Variants in TENM2 observed in about 807,000 individuals in gnomAD.
TENM2 encodes the protein teneurin-2.
Under a neutral mutation model 245.2 loss-of-function variants are expected in TENM2, and 52 were observed. The ratio of observed to expected loss-of-function variants is 0.21; its 90% confidence interval spans 0.17 to 0.27. The LOEUF (loss-of-function observed/expected upper bound fraction) is 0.27. Ranked by LOEUF, TENM2 falls within the 10% of genes least tolerant of loss-of-function variation. The probability of loss-of-function intolerance (pLI) is 1.00; values close to 1 mark genes in which losing one functional copy is unlikely to be tolerated. For missense variants in TENM2, 3,046 were observed against 3,666.8 expected, an observed-to-expected ratio of 0.83 and a Z score of 4.37; for synonymous variants, 1,363 against 1,438.9, an observed-to-expected ratio of 0.95 and a Z score of 1.19.
chr5:167,803,738 A>T (rs1375884278), intron 2 of TENM2, among the ~76,000 whole-genome samples: 1 of 151,926 alleles, frequency 6.6e-6, no homozygotes, highest in Admixed American at 6.6e-5. Flanking sequence ...TTATATATAT[A>T]GTTGCCAGAT....
intron 27 of TENM2, among the ~76,000 whole-genome samples, chr5:168,250,471 C>T (rs1008584178): frequency 3.9e-5 from 6 of 152,154 alleles, no homozygotes; most frequent in East Asian, 3.9e-4. Context: ...AAGGAGGCAT[C>T]GACACTCAGG....
chr5:167,986,543 C>T (rs146758420), intron 4 of TENM2, among the ~76,000 whole-genome samples: 186 of 152,316 alleles, frequency 1.2e-3, no homozygotes, highest in African/African-American at 4.3e-3. Flanking sequence ...TTCTCCATCT[C>T]TTGGAGTGTT....
intron 2 of TENM2, among the ~76,000 whole-genome samples, chr5:167,749,330 T>C (rs1761800617): frequency 1.3e-5 from 2 of 151,982 alleles, no homozygotes; most frequent in East Asian, 3.9e-4. Context: ...CACAATAAGA[T>C]GAACATAAGG....
At chr5:167,936,133 T>C (rs1041875044) in intron 3 of TENM2, among the ~76,000 whole-genome samples, 1 of 152,202 alleles carries the variant, frequency 6.6e-6, no homozygotes, top group Non-Finnish European at 1.5e-5. Context: ...AGTCAGGAAG[T>C]AGAGCAGGTT....
At chr5:166,994,549 T>C in the TENM2 span, among the ~76,000 whole-genome samples, 6 of 152,302 alleles carry the variant, frequency 3.9e-5, no homozygotes, top group South Asian at 1.2e-3. Flanking sequence ...GATGTGCCAT[T>C]TTTCTGATGG....
At chr5:167,243,234 C>T in the TENM2 span, among the ~76,000 whole-genome samples, 299 of 152,124 alleles carry the variant, frequency 2.0e-3, no homozygotes, top group African/African-American at 6.8e-3. Flanking sequence ...AGTTAAATTT[C>T]TGGGAAATTT....
intron 6 of TENM2, among the ~76,000 whole-genome samples, chr5:168,056,789 C>A (rs1472767148): frequency 6.6e-6 from 1 of 152,116 alleles, no homozygotes; most frequent in Non-Finnish European, 1.5e-5. Flanking sequence ...ATCTCTTATA[C>A]CATATTTTTT....
At chr5:168,134,848 A>G (rs2152384810) in intron 12 of TENM2, among the ~76,000 whole-genome samples, 1 of 152,340 alleles carries the variant, frequency 6.6e-6, no homozygotes, top group South Asian at 2.1e-4. Flanking sequence ...TGGTTCTTAC[A>G]GACAAACATA....
At chr5:167,788,968 A>G (rs886104209) in intron 2 of TENM2, among the ~76,000 whole-genome samples, 2 of 152,194 alleles carry the variant, frequency 1.3e-5, no homozygotes, top group African/African-American at 4.8e-5. Context: ...TTGTGGGTCA[A>G]GCTGATCATA....
chr5:167,538,862 C>T (rs144004684), intron 2 of TENM2, among the ~76,000 whole-genome samples: 1,536 of 152,234 alleles, frequency 0.01, 83 homozygotes, highest in Admixed American at 0.09. Flanking sequence ...CATGTCGAAA[C>T]GCAGAAGGCA....
intron 7 of TENM2, among the ~76,000 whole-genome samples, chr5:168,080,259 G>A (rs958288576): frequency 1.3e-5 from 2 of 152,152 alleles, no homozygotes; most frequent in African/African-American, 4.8e-5. Context: ...TTGTATTTCT[G>A]TGGGATCGAT....
At chr5:168,021,068 A>G (rs1290917873) in intron 5 of TENM2, among the ~76,000 whole-genome samples, 1 of 152,182 alleles carries the variant, frequency 6.6e-6, no homozygotes, top group Non-Finnish European at 1.5e-5. Flanking sequence ...GGAGCAGGCT[A>G]GGAATCGTTT....
chr5:167,134,255 C>T, the TENM2 span, among the ~76,000 whole-genome samples: 21 of 152,190 alleles, frequency 1.4e-4, no homozygotes, highest in Non-Finnish European at 2.4e-4. Context: ...TAAAAAGAAA[C>T]TGTCAGTTGA....
the TENM2 span, among the ~76,000 whole-genome samples, chr5:167,015,189 G>T: frequency 6.6e-6 from 1 of 151,962 alleles, no homozygotes; most frequent in South Asian, 2.1e-4. Flanking sequence ...TATATTTTTT[G>T]AAAATCTGAA....
the TENM2 span, among the ~76,000 whole-genome samples, chr5:167,012,295 C>T: frequency 0.034 from 5,139 of 152,266 alleles, 127 homozygotes; most frequent in Middle Eastern, 0.061. Flanking sequence ...TACCAAATGT[C>T]TGGAACATTT....
At chr5:168,000,762 T>G (rs1168600036) in intron 5 of TENM2, among the ~76,000 whole-genome samples, 1 of 152,128 alleles carries the variant, frequency 6.6e-6, no homozygotes, top group Non-Finnish European at 1.5e-5. Context: ...AATAGGTAGG[T>G]CCGTGGTCAC....
chr5:167,165,575 A>G, the TENM2 span, among the ~76,000 whole-genome samples: 6 of 152,154 alleles, frequency 3.9e-5, no homozygotes, highest in Non-Finnish European at 7.3e-5. Flanking sequence ...AATCGGGAAT[A>G]ATTAAAGATA....
intron 2 of TENM2, among the ~76,000 whole-genome samples, chr5:167,688,302 T>TC (rs34806634): frequency 1.2e-4 from 19 of 152,162 alleles, no homozygotes; most frequent in African/African-American, 4.6e-4. Context: ...TTGTGAACTT[T>TC]CCCCCCATGT....
chr5:167,342,889 T>C (rs1384576209), intron 1 of TENM2, among the ~76,000 whole-genome samples: 3 of 151,460 alleles, frequency 2.0e-5, no homozygotes, highest in South Asian at 2.1e-4. Context: ...AAAGTCATTA[T>C]ATGCAACTCA....
Sources: allele counts gnomAD v4.1 joint callset (sites outside exome capture counted in the v4.1 genomes callset), GRCh38; gene constraint gnomAD v4.1.1; transcripts MANE v1.5; gene names NCBI Gene and HGNC (gene_info 2026-07-23, HGNC 2026-07-21).